Variants in ABCA12 observed in about 807,000 individuals in gnomAD.
The protein encoded by ABCA12 is glucosylceramide transporter ABCA12.
ABCA12 carries 156 observed loss-of-function variants against 293.5 expected under a neutral mutation model. That is an observed-to-expected ratio of 0.53 (90% CI 0.47 to 0.61). The LOEUF (loss-of-function observed/expected upper bound fraction) is 0.61. ABCA12 is among the 20% of genes least tolerant of loss of function. ABCA12 has a pLI of 0.00. For missense variants in ABCA12, 2,797 were observed against 3,090.2 expected, an observed-to-expected ratio of 0.91 and a Z score of 2.25; for synonymous variants, 1,063 against 1,108.0, an observed-to-expected ratio of 0.96 and a Z score of 0.81.
intron 20 of ABCA12, among the ~76,000 whole-genome samples, chr2:215,002,335 A>T (rs1410996048): frequency 6.6e-6 from 1 of 152,202 alleles, no homozygotes; most frequent in Admixed American, 6.5e-5. Context: ...TATTAATCTG[A>T]CAAAATGATC....
intron 2 of ABCA12, chr2:215,075,411 A>G (rs943796437): frequency 1.8e-6 from 1 of 567,528 alleles, no homozygotes; most frequent in Admixed American, 3.4e-5. Context: ...CCGGAACTAT[A>G]TATTGGCAAA....
At chr2:214,939,031 C>A (rs1285744996) in intron 50 of ABCA12, among the ~76,000 whole-genome samples, 1 of 152,056 alleles carries the variant, frequency 6.6e-6, no homozygotes. Flanking sequence ...AAGTCTTTGC[C>A]CACGCCTGTG....
At chr2:215,067,304 A>T (rs1281988472) in intron 2 of ABCA12, among the ~76,000 whole-genome samples, 7 of 152,128 alleles carry the variant, frequency 4.6e-5, no homozygotes, top group Admixed American at 1.3e-4. Context: ...CGAAACTTCC[A>T]TGCAGCAAGC....
chr2:214,987,079 A>G (rs140262422), intron 27 of ABCA12, among the ~76,000 whole-genome samples: 2 of 152,308 alleles, frequency 1.3e-5, no homozygotes, highest in African/African-American at 4.8e-5. Flanking sequence ...TATAAAATAA[A>G]TGCCTCCAAA....
intron 39 of ABCA12, among the ~76,000 whole-genome samples, chr2:214,961,320 T>C (rs565642981): frequency 3.1e-4 from 47 of 152,252 alleles, no homozygotes; most frequent in South Asian, 8.3e-4. Context: ...TTAGTTTTAA[T>C]TAAAATAAAC....
intron 50 of ABCA12, among the ~76,000 whole-genome samples, chr2:214,942,155 A>C (rs1698427288): frequency 1.3e-5 from 2 of 152,188 alleles, no homozygotes; most frequent in Non-Finnish European, 2.9e-5. Flanking sequence ...CATCAATAAA[A>C]ATTAATGTTA....
intron 7 of ABCA12, chr2:215,038,955 C>G (rs117343576): frequency 6.6e-6 from 1 of 152,118 alleles, no homozygotes; most frequent in Non-Finnish European, 1.5e-5. Context: ...TATTTTTCTT[C>G]TCTTCATCAT....
intron 23 of ABCA12, among the ~76,000 whole-genome samples, chr2:214,991,955 G>A (rs1051702167): frequency 6.6e-6 from 1 of 151,996 alleles, no homozygotes; most frequent in Non-Finnish European, 1.5e-5. Context: ...TGAGTGCAGC[G>A]AACCACCATG....
Position 215,019,717 on chromosome 2 carries a change from G to C in ABCA12, c.1367C>G (p.Ser456Cys). The C allele has an allele frequency of 6.2e-7, 1 of 1,614,136 alleles. No homozygotes were observed. Among genetic ancestry groups the C allele is most frequent in the Non-Finnish European group, 8.5e-7 (1 of 1,180,022 alleles). The change falls in exon 12 of 53, where the codon TCT (serine) becomes TGT (cysteine). Residue 456 changes from serine to cysteine, a missense_variant. Transcript: ENST00000272895. The stretch of plus-strand genomic sequence containing the variant: ...ACACAGGCTCCCAAAGCTCATATCA[G>C]AGAGCTGGCATGACTTCTCTATCAA... ...FSLIEKSCQL[S>C]DMSFGSLCEE...
chr2:215,064,254 G>A (rs1242028873), intron 2 of ABCA12, 35 bp from the exon 3 acceptor site: 1 of 1,603,710 alleles, frequency 6.2e-7, no homozygotes, highest in Non-Finnish European at 8.5e-7. Context: ...CATCAGTATG[G>A]CACATTTGTC....
chr2:214,957,424 A>C (rs2105935833), intron 41 of ABCA12, among the ~76,000 whole-genome samples: 1 of 152,316 alleles, frequency 6.6e-6, no homozygotes, highest in African/African-American at 2.4e-5. Context: ...ACAGAATCCT[A>C]AAGTACTAAG....
At chr2:214,981,988 T>TA (rs1225773961) in intron 30 of ABCA12, among the ~76,000 whole-genome samples, 199 bp downstream of exon 30, 31 of 146,620 alleles carry the variant, frequency 2.1e-4, no homozygotes, top group African/African-American at 4.8e-4. Context: ...ATTATTATTT[T>TA]ATTATTATTG....
chr2:215,123,469 C>A (rs141334216), intron 1 of ABCA12, among the ~76,000 whole-genome samples: 2 of 152,164 alleles, frequency 1.3e-5, no homozygotes, highest in African/African-American at 4.8e-5. Context: ...CTGCACCTGG[C>A]GTCCCACATT....
Position 214,932,550 on chromosome 2 carries a change from A to ATATC in ABCA12, c.*80_*83dup, listed in dbSNP as rs1165574504. ...TATATTACTTTACTTTAAAATGAAG[A>ATATC]TATCTTGCGGAAGTGTATCTTCTGT... On this transcript the variant is annotated 3_prime_UTR_variant, in exon 53 of 53. Transcript: ENST00000272895. The ATATC allele has an allele frequency of 2.1e-6, 2 of 970,592 alleles. No individual in the cohort carries two copies. Among genetic ancestry groups the ATATC allele is most frequent in the African/African-American group, 3.2e-5 (2 of 61,912 alleles). The allele number at this position is 970,592 out of a possible 1,614,324, so 60.1% of individuals were successfully genotyped here. A position where few individuals can be genotyped will look rare whatever the true frequency, so the allele number is the denominator to read the frequency against.
chr2:214,997,906 G>T, intron 22 of ABCA12, 97 bp from the exon 23 acceptor site: 1 of 775,616 alleles, frequency 1.3e-6, no homozygotes. Flanking sequence ...CTCTTACATT[G>T]AACTTATGAT....
At chr2:215,075,608 G>A in intron 2 of ABCA12, 1 of 687,830 alleles carries the variant, frequency 1.5e-6, no homozygotes, top group South Asian at 1.6e-5. Context: ...GTTCCAAGTA[G>A]AAGAATCCCC....
chr2:215,115,180 C>T (rs1702660263), intron 1 of ABCA12, among the ~76,000 whole-genome samples: 1 of 152,166 alleles, frequency 6.6e-6, no homozygotes, highest in Non-Finnish European at 1.5e-5. Context: ...TACAAGGTTT[C>T]CCTGGGATTT....
Position 214,980,566 on chromosome 2 carries a change from C to A in ABCA12, c.4657G>T (p.Gly1553Cys), listed in dbSNP as rs1396197395. Residue 1553 changes from glycine to cysteine, a missense_variant, in exon 31 of 53, where the codon GGT becomes TGT. By Grantham distance (159) the Gly-to-Cys change is radical. Around this residue, in one of 3 missense-constraint regions of ABCA12, gnomAD observed 2,130 missense variants for 2,427.0 expected, o/e 0.88. Transcript: ENST00000272895. ...LSDRIAFLEQ[G>C]GLRCCGSPFY... ...GGGGACCCACAGCACCTAAGCCCAC[C>A]CTGCTCCAGGAAGGCGATGCGGTCA... 3 of 1,613,936 alleles carry A rather than the reference C, an allele frequency of 1.9e-6. No homozygotes were observed. Among genetic ancestry groups the A allele is most frequent in the Non-Finnish European group, 2.5e-6 (3 of 1,180,020 alleles).
At chr2:215,064,697 ACACACACACAC>A (rs1701606279) in intron 2 of ABCA12, among the ~76,000 whole-genome samples, 1 of 25,952 alleles carries the variant, frequency 3.9e-5, no homozygotes, top group Non-Finnish European at 8.7e-5. Context: ...ATACACGCAC[ACACACACACAC>A]ACACACACAC....
Sources: gnomAD v4.1 joint callset for allele counts (sites outside exome capture counted in the v4.1 genomes callset) on GRCh38, gnomAD v4.1.1 for gene constraint, gnomAD v4.1.1 regional missense constraint, MANE v1.5 for transcripts, NCBI Gene and HGNC (gene_info 2026-07-23, HGNC 2026-07-21) for gene names.